SYT2: variants seen among roughly 807,000 people sequenced by gnomAD.
SYT2 encodes synaptotagmin 2.
Under a neutral mutation model 39.9 loss-of-function variants are expected in SYT2, and 15 were observed. That is an observed-to-expected ratio of 0.38 (90% CI 0.25 to 0.58). SYT2 has a LOEUF of 0.58. Ranked by LOEUF, SYT2 falls within the 20% of genes least tolerant of loss-of-function variation. The pLI is 0.70. For synonymous variants in SYT2, 181 were observed against 204.5 expected (o/e 0.89, Z 0.98); for missense variants, 389 against 530.3 (o/e 0.73, Z 2.62).
chr1:202,642,247 C>T (rs1383277396), intron 1 of SYT2, among the ~76,000 whole-genome samples: 5 of 152,098 alleles, frequency 3.3e-5, no homozygotes, highest in African/African-American at 1.2e-4. Context: ...CTTTGACACC[C>T]CCTGCCCCGG....
intron 1 of SYT2, chr1:202,636,406 G>A (rs1374233130): frequency 5.1e-6 from 5 of 985,046 alleles, no homozygotes; most frequent in African/African-American, 3.5e-5. Flanking sequence ...GCCAACCTGT[G>A]CATCCGCTAG....
intron 1 of SYT2, among the ~76,000 whole-genome samples, chr1:202,689,449 G>A (rs1314958698): frequency 1.3e-5 from 2 of 152,174 alleles, no homozygotes; most frequent in African/African-American, 4.8e-5. Flanking sequence ...GGAAAGTGAG[G>A]AGGGGATGAG....
At chr1:202,604,835 T>A (rs1395047146) in intron 2 of SYT2, among the ~76,000 whole-genome samples, 1 of 148,574 alleles carries the variant, frequency 6.7e-6, no homozygotes, top group Non-Finnish European at 1.5e-5. Context: ...TTTTTTTTTT[T>A]TTTTTTTTGC....
At chr1:202,621,702 G>A (rs1241559944) in intron 1 of SYT2, among the ~76,000 whole-genome samples, 1 of 152,162 alleles carries the variant, frequency 6.6e-6, no homozygotes, top group Admixed American at 6.5e-5. Flanking sequence ...CAGGAAGAAT[G>A]CCACCAGGAC....
chr1:202,621,118 C>T (rs1691191877), intron 1 of SYT2, among the ~76,000 whole-genome samples: 1 of 152,210 alleles, frequency 6.6e-6, no homozygotes, highest in South Asian at 2.1e-4. Flanking sequence ...TTCTGGGGAG[C>T]GGAGTTGGGA....
At position 202,687,448 on chromosome 1, in the gene SYT2, T is replaced by A. The variant is rs1177180931; in HGVS notation, c.-18+22810A>T. Among the ~76,000 whole-genome samples, 4 of 152,182 alleles carry A rather than the reference T, an allele frequency of 2.6e-5. No homozygotes were observed. The East Asian group carries it at 7.7e-4, about 29-fold the overall frequency. On this transcript the variant is annotated intron_variant, in intron 1 of 8. Coordinates refer to ENST00000367268, the MANE Select transcript of SYT2 (RefSeq NM_177402.5). Reference sequence around the variant, plus strand: ...CAGAGCCTTGACTCCACGGGGCCACTCTCTTCCTCCCCGCAGAACCTAGCT... The same window carrying A: ...CAGAGCCTTGACTCCACGGGGCCACACTCTTCCTCCCCGCAGAACCTAGCT...
chr1:202,684,742 C>T (rs765375727), intron 1 of SYT2, among the ~76,000 whole-genome samples: 1 of 152,114 alleles, frequency 6.6e-6, no homozygotes, highest in South Asian at 2.1e-4. Flanking sequence ...CTTCCTTTGG[C>T]CCCTTTATTC....
chr1:202,702,691 C>G (rs150582067), intron 1 of SYT2, among the ~76,000 whole-genome samples: 5 of 152,192 alleles, frequency 3.3e-5, no homozygotes, highest in Admixed American at 6.5e-5. Flanking sequence ...GCCTCCACCC[C>G]GTCTCCTAAC....
intron 1 of SYT2, among the ~76,000 whole-genome samples, chr1:202,694,542 T>C (rs914290767): frequency 7.0e-6 from 1 of 143,586 alleles, no homozygotes; most frequent in Non-Finnish European, 1.5e-5. Flanking sequence ...ATAACTTAAG[T>C]CTCCTGAGGC....
intron 1 of SYT2, among the ~76,000 whole-genome samples, chr1:202,640,593 A>G (rs1691878051): frequency 6.6e-6 from 1 of 152,108 alleles, no homozygotes; most frequent in African/African-American, 2.4e-5. Context: ...AATGGAGTAA[A>G]AGGCCCATTT....
chr1:202,672,946 T>C (rs1183764595), intron 1 of SYT2, among the ~76,000 whole-genome samples: 1 of 151,498 alleles, frequency 6.6e-6, no homozygotes, highest in African/African-American at 2.4e-5. Context: ...TGCAGAAAAC[T>C]AAAGAAAAAG....
At chr1:202,645,209 T>C (rs964638180) in intron 1 of SYT2, among the ~76,000 whole-genome samples, 2 of 151,924 alleles carry the variant, frequency 1.3e-5, no homozygotes, top group Non-Finnish European at 2.9e-5. Context: ...ACCAGGGGTT[T>C]CCCCCCACTC....
intron 1 of SYT2, among the ~76,000 whole-genome samples, chr1:202,697,165 G>A (rs530729990): frequency 4.7e-4 from 72 of 152,362 alleles, no homozygotes; most frequent in Non-Finnish European, 6.8e-4. Flanking sequence ...GGCAGCAATG[G>A]TTGGGGAAGC....
chr1:202,629,606 C>T (rs926048241), intron 1 of SYT2, among the ~76,000 whole-genome samples: 1 of 152,150 alleles, frequency 6.6e-6, no homozygotes, highest in Non-Finnish European at 1.5e-5. Context: ...AAGGGTGTCC[C>T]AGCCAAAACC....
rs533927925 is a variant in SYT2, at chr1:202,664,393, T to A, written c.-18+45865A>T. ...TCCAATCAACTTCATTGAATTATAA[T>A]ACATACATGCAATGAAATATCCTCA... On this transcript the variant is annotated intron_variant, in intron 1 of 8. Transcript: ENST00000367268. Among the ~76,000 whole-genome samples the A allele has an allele frequency of 3.3e-5, 5 of 152,334 alleles. No homozygotes were observed. The South Asian group carries it at 1.0e-3, about 32-fold the overall frequency.
intron 4 of SYT2, 63 bp downstream of exon 4, chr1:202,602,936 C>T: frequency 6.3e-7 from 1 of 1,585,452 alleles, no homozygotes; most frequent in Non-Finnish European, 8.6e-7. Context: ...TTCTATCCCC[C>T]TTCCACCCAA....
chr1:202,645,328 G>A (rs192219512), intron 1 of SYT2, among the ~76,000 whole-genome samples: 35 of 152,286 alleles, frequency 2.3e-4, no homozygotes, highest in Admixed American at 6.5e-4. Context: ...GCTCCTCTTC[G>A]GTTTCTCCCT....
intron 2 of SYT2, chr1:202,605,385 T>C: frequency 2.3e-6 from 1 of 436,328 alleles, no homozygotes; most frequent in South Asian, 7.3e-5. Context: ...CCCTGAGAAG[T>C]TGACGCACAT....
intron 1 of SYT2, among the ~76,000 whole-genome samples, chr1:202,652,191 A>C (rs1692207006): frequency 6.6e-6 from 1 of 152,194 alleles, no homozygotes; most frequent in South Asian, 2.1e-4. Flanking sequence ...CCGTGTGTGC[A>C]TCTGTTGAGG....
Sources: gnomAD v4.1 joint callset for allele counts (sites outside exome capture counted in the v4.1 genomes callset) on GRCh38, gnomAD v4.1.1 for gene constraint, MANE v1.5 for transcripts, NCBI Gene and HGNC (gene_info 2026-07-23, HGNC 2026-07-21) for gene names.